TRPM3: variants seen among roughly 807,000 people sequenced by gnomAD.
TRPM3 encodes the protein transient receptor potential cation channel subfamily M member 3.
TRPM3 carries 77 observed loss-of-function variants against 181.2 expected under a neutral mutation model. The observed-to-expected ratio is 0.42, with a 90% CI of 0.35 to 0.51. TRPM3 has a LOEUF of 0.51. Among genes scored for constraint, TRPM3 ranks in the 20% least tolerant of loss-of-function variants. TRPM3 has a pLI of 0.01. For synonymous variants in TRPM3, 745 were observed against 796.4 expected, an observed-to-expected ratio of 0.94 and a Z score of 1.09; for missense variants, 1,759 against 2,196.7, an observed-to-expected ratio of 0.80 and a Z score of 3.98.
At chr9:71,320,338 G>T (rs1314000900) in intron 1 of TRPM3, among the ~76,000 whole-genome samples, 1 of 151,512 alleles carries the variant, frequency 6.6e-6, no homozygotes, top group South Asian at 2.1e-4. Flanking sequence ...AAAAACAAAT[G>T]CTTATTACAT....
chr9:71,341,291 C>A (rs1009324977), intron 1 of TRPM3, among the ~76,000 whole-genome samples: 1 of 151,946 alleles, frequency 6.6e-6, no homozygotes, highest in South Asian at 2.1e-4. Context: ...AGTATCCTAC[C>A]CTAATATTTG....
Position 70,931,966 on chromosome 9 carries a change from T to G in TRPM3, c.178-67455A>C, listed in dbSNP as rs140279986. Among the ~76,000 whole-genome samples, 11 of 152,316 alleles carry G rather than the reference T, an allele frequency of 7.2e-5. No individual in the cohort carries two copies. In the East Asian group the frequency reaches 2.1e-3, roughly 29 times the overall value. On this transcript the variant is annotated intron_variant, in intron 1 of 25. Transcript: ENST00000677713. ...CAAAACACATGTTTATCAAAATATATTCACGAGTGTACTAACATTCTTGGA... is the reference window on the plus strand; with the variant it reads ...CAAAACACATGTTTATCAAAATATAGTCACGAGTGTACTAACATTCTTGGA...
chr9:71,095,889 C>T (rs565708366), intron 1 of TRPM3, among the ~76,000 whole-genome samples: 2 of 152,002 alleles, frequency 1.3e-5, no homozygotes, highest in Non-Finnish European at 2.9e-5. Context: ...ACCCAGATAG[C>T]TACCAGAGAC....
intron 14 of TRPM3, among the ~76,000 whole-genome samples, chr9:70,624,361 TA>T (rs1589450700): frequency 6.6e-6 from 1 of 152,166 alleles, no homozygotes; most frequent in Non-Finnish European, 1.5e-5. Context: ...ACAGGCACTA[TA>T]ATAGTATAAT....
At chr9:71,314,382 G>A (rs1354021834) in intron 1 of TRPM3, among the ~76,000 whole-genome samples, 2 of 151,960 alleles carry the variant, frequency 1.3e-5, no homozygotes, top group Admixed American at 6.6e-5. Flanking sequence ...TTCTCTTTCA[G>A]TAGCCTGTGT....
At chr9:71,269,565 A>C (rs2083636126) in intron 1 of TRPM3, among the ~76,000 whole-genome samples, 1 of 152,182 alleles carries the variant, frequency 6.6e-6, no homozygotes, top group Non-Finnish European at 1.5e-5. Flanking sequence ...GTGAGCTGGG[A>C]GAGTGGGCTC....
At chr9:70,809,556 A>C (rs1410797120) in intron 6 of TRPM3, among the ~76,000 whole-genome samples, 1 of 152,214 alleles carries the variant, frequency 6.6e-6, no homozygotes, top group Non-Finnish European at 1.5e-5. Context: ...GTAACATGCT[A>C]TACAGGTTTG....
chr9:70,864,392 T>C lies in TRPM3; in HGVS notation c.257+40A>G, dbSNP rs976258554. On this transcript the variant is annotated intron_variant, in intron 2 of 25. Coordinates refer to ENST00000677713, the MANE Select transcript of TRPM3 (RefSeq NM_001366145.2). ...TACTCTTGCAGGTTTTTTGTATAAT[T>C]ACTACTTCATGTTCTCAACATTATA... 16 of 1,373,148 alleles carry C rather than the reference T, an allele frequency of 1.2e-5. No homozygotes were observed. The Admixed American group carries it at 3.6e-4, about 31-fold the overall frequency. The allele number at this position is 1,373,148 out of a possible 1,614,324, so 85.1% of individuals were successfully genotyped here. A position where few individuals can be genotyped will look rare whatever the true frequency, so the allele number is the denominator to read the frequency against.
chr9:71,204,964 C>G (rs1484555657), intron 1 of TRPM3, among the ~76,000 whole-genome samples: 2 of 151,550 alleles, frequency 1.3e-5, no homozygotes, highest in African/African-American at 2.4e-5. Flanking sequence ...ATCGCAAGGA[C>G]AAAAAACCAA....
chr9:71,363,622 TAAAAATGTGCTTTGTAA>T (rs2092236140), intron 1 of TRPM3, among the ~76,000 whole-genome samples: 1 of 152,228 alleles, frequency 6.6e-6, no homozygotes, highest in African/African-American at 2.4e-5. Context: ...CCAGAAAACG[TAAAAATGTGCTTTGTAA>T]AATCTCATTT....
chr9:70,642,878 T>C (rs1017613561), intron 9 of TRPM3, among the ~76,000 whole-genome samples: 1 of 152,158 alleles, frequency 6.6e-6, no homozygotes, highest in Non-Finnish European at 1.5e-5. Context: ...GAGCCTAAGG[T>C]TCTGTGTTTC....
At chr9:71,033,469 C>T (rs1190119872) in intron 1 of TRPM3, among the ~76,000 whole-genome samples, 4 of 152,174 alleles carry the variant, frequency 2.6e-5, no homozygotes, top group Admixed American at 2.6e-4. Context: ...CATCACCAAA[C>T]TTCTAAATAA....
intron 5 of TRPM3, among the ~76,000 whole-genome samples, chr9:70,829,969 T>G (rs1321321549): frequency 6.6e-6 from 1 of 152,230 alleles, no homozygotes; most frequent in Non-Finnish European, 1.5e-5. Flanking sequence ...AAGACTCTCC[T>G]GTTCTTAAAG....
intron 1 of TRPM3, among the ~76,000 whole-genome samples, chr9:71,365,865 A>G (rs1183803953): frequency 6.6e-6 from 1 of 152,180 alleles, no homozygotes; most frequent in Non-Finnish European, 1.5e-5. Context: ...TGGGGCTGCC[A>G]TTTAGTTGCT....
intron 6 of TRPM3, 181 bp downstream of exon 6, chr9:70,827,666 C>G (rs577642994): frequency 6.3e-6 from 4 of 632,330 alleles, no homozygotes; most frequent in South Asian, 2.5e-5. Context: ...TTACTTCTTA[C>G]GCCTCCAATT....
intron 6 of TRPM3, among the ~76,000 whole-genome samples, chr9:70,817,747 A>G (rs1015184972): frequency 6.6e-6 from 1 of 152,184 alleles, no homozygotes; most frequent in Admixed American, 6.6e-5. Context: ...TCTCTGTGCT[A>G]CTACAGACCA....
chr9:70,652,236 GT>G (rs2059690212), intron 9 of TRPM3, among the ~76,000 whole-genome samples: 1 of 151,960 alleles, frequency 6.6e-6, no homozygotes, highest in African/African-American at 2.4e-5. Flanking sequence ...TGATTACTTT[GT>G]TTATATTATT....
intron 1 of TRPM3, among the ~76,000 whole-genome samples, chr9:71,057,298 T>C (rs2060780756): frequency 6.6e-6 from 1 of 152,088 alleles, no homozygotes. Flanking sequence ...TATTTTTTTG[T>C]AGCCCTAGCT....
intron 1 of TRPM3, among the ~76,000 whole-genome samples, chr9:71,034,858 T>C (rs533916573): frequency 6.6e-6 from 1 of 152,238 alleles, no homozygotes; most frequent in African/African-American, 2.4e-5. Flanking sequence ...TGTCCATATA[T>C]ATGTATATAT....
Sources: gnomAD v4.1 joint callset for allele counts (sites outside exome capture counted in the v4.1 genomes callset) on GRCh38, gnomAD v4.1.1 for gene constraint, MANE v1.5 for transcripts, NCBI Gene and HGNC (gene_info 2026-07-23, HGNC 2026-07-21) for gene names.